Variants in ME2 observed in about 807,000 individuals in gnomAD.
The protein encoded by ME2 is malic enzyme 2.
ME2 carries 60 observed loss-of-function variants against 73.7 expected under a neutral mutation model. That is an observed-to-expected ratio of 0.81 (90% CI 0.66 to 1.01). The LOEUF (loss-of-function observed/expected upper bound fraction) is 1.01. Among genes scored for constraint, ME2 ranks in the 50% least tolerant of loss-of-function variants. ME2 has a pLI of 0.00. For synonymous variants in ME2, 199 were observed against 236.9 expected, an observed-to-expected ratio of 0.84 and a Z score of 1.47; for missense variants, 594 against 705.5, an observed-to-expected ratio of 0.84 and a Z score of 1.79.
chr18:50,921,050 T>G (rs1278550010), intron 9 of ME2, 24 bp from the exon 10 acceptor site: 2 of 1,245,402 alleles, frequency 1.6e-6, no homozygotes, highest in Non-Finnish European at 2.3e-6. Context: ...TAGTATATAT[T>G]AAAATTTATG....
intron 4 of ME2, among the ~76,000 whole-genome samples, chr18:50,915,095 TCC>T (rs1917254463): frequency 6.6e-6 from 1 of 151,448 alleles, no homozygotes; most frequent in Non-Finnish European, 1.5e-5. Context: ...CAACCCCTCC[TCC>T]TCCTCCTCCT....
At chr18:50,938,191 G>T (rs146344967) in intron 13 of ME2, among the ~76,000 whole-genome samples, 1 of 152,100 alleles carries the variant, frequency 6.6e-6, no homozygotes, top group African/African-American at 2.4e-5. Flanking sequence ...AGCCAGGTGC[G>T]ATGGTACATG....
intron 2 of ME2, 84 bp downstream of exon 2, chr18:50,896,012 T>A: frequency 1.1e-6 from 1 of 948,414 alleles, no homozygotes; most frequent in South Asian, 1.5e-5. Context: ...GTGACATATT[T>A]TTGTAGCTTT....
intron 12 of ME2, among the ~76,000 whole-genome samples, chr18:50,927,412 A>T (rs915917884): frequency 3.9e-5 from 6 of 152,042 alleles, no homozygotes; most frequent in African/African-American, 1.4e-4. Context: ...TAAAAATATA[A>T]CCACAGGGCC....
intron 12 of ME2, among the ~76,000 whole-genome samples, chr18:50,930,956 A>G (rs1403500842): frequency 6.6e-6 from 1 of 152,232 alleles, no homozygotes; most frequent in Non-Finnish European, 1.5e-5. Flanking sequence ...CCCTACTAGC[A>G]TAGTTAGCTT....
chr18:50,914,813 C>T (rs749243893), intron 4 of ME2, among the ~76,000 whole-genome samples: 5 of 152,182 alleles, frequency 3.3e-5, no homozygotes, highest in Non-Finnish European at 7.3e-5. Flanking sequence ...TCATGTCTGC[C>T]TGACCTGTGT....
chr18:50,909,126 G>A (rs1431002841), intron 3 of ME2, among the ~76,000 whole-genome samples: 1 of 151,618 alleles, frequency 6.6e-6, no homozygotes, highest in Non-Finnish European at 1.5e-5. Flanking sequence ...GCTAATTTTT[G>A]TAGTTTTTAG....
chr18:50,941,169 G>C (rs1234563105), intron 15 of ME2, among the ~76,000 whole-genome samples: 1 of 148,958 alleles, frequency 6.7e-6, no homozygotes, highest in African/African-American at 2.5e-5. Context: ...GCTGAGGCAG[G>C]AGAATCACTT....
intron 4 of ME2, 81 bp downstream of exon 4, chr18:50,913,031 TTTTATG>T: frequency 7.9e-7 from 1 of 1,273,484 alleles, no homozygotes; most frequent in Non-Finnish European, 1.1e-6. Context: ...TACATTTCTA[TTTTATG>T]TTTGTTAGCC....
chr18:50,939,266 T>C (rs115045835), intron 13 of ME2: 1 of 227,212 alleles, frequency 4.4e-6, no homozygotes, highest in Non-Finnish European at 8.7e-6. Flanking sequence ...AGTGGAGTGT[T>C]AGAGGTGGGC....
At position 50,939,308 on chromosome 18, in the gene ME2, A is replaced by G. The variant is rs897905326; in HGVS notation, c.1418-262A>G. 15 of 336,228 alleles carry G rather than the reference A, an allele frequency of 4.5e-5. No individual in the cohort carries two copies. In the East Asian group the frequency reaches 8.7e-4, roughly 20 times the overall value. 20.8% of individuals were successfully genotyped at this position (336,228 alleles called of 1,614,324 possible). On this transcript the variant is annotated intron_variant, in intron 13 of 15. Coordinates refer to ENST00000321341, the MANE Select transcript of ME2 (RefSeq NM_002396.5). ...CTGGAGTTAAAACAAGCGTTGATGA[A>G]TTGTATGTATTTGTCATTTTCATAA...
In ME2 at chr18:50,918,209, G is replaced by T; in HGVS notation, c.730G>T (p.Asp244Tyr). The T allele has an allele frequency of 6.3e-7, 1 of 1,594,558 alleles. No homozygotes were observed. The highest frequency in any genetic ancestry group is 1.1e-5 in the South Asian group (1 of 88,314). The change falls in exon 7 of 16, where the codon GAC (aspartate) becomes TAC (tyrosine). Residue 244 changes from aspartate to tyrosine, a missense_variant. Coordinates refer to ENST00000321341, the MANE Select transcript of ME2 (RefSeq NM_002396.5). ...LIDEFMKAIT[D>Y]RYGRNTLIQF... is the part of the protein sequence containing the mutation. ...TGATGAGTTTATGAAAGCTATTACTGACAGGTATTTTTTAAAAGTTTGAGT... is the reference window on the plus strand; with the variant it reads ...TGATGAGTTTATGAAAGCTATTACTTACAGGTATTTTTTAAAAGTTTGAGT...
intron 9 of ME2, 62 bp from the exon 10 acceptor site, chr18:50,921,011 TA>T: frequency 1.2e-6 from 1 of 812,586 alleles, no homozygotes. Flanking sequence ...TCTTCATATA[TA>T]AAGTAATTCA....
intron 2 of ME2, among the ~76,000 whole-genome samples, chr18:50,898,953 C>T (rs1401666842): frequency 6.6e-6 from 1 of 152,196 alleles, no homozygotes; most frequent in Non-Finnish European, 1.5e-5. Context: ...CTTTTCTCCC[C>T]ATGCTCATTT....
intron 5 of ME2, chr18:50,917,084 T>C (rs184201868): frequency 1.2e-3 from 341 of 279,342 alleles, no homozygotes; most frequent in Non-Finnish European, 2.1e-3. Flanking sequence ...TCTGAAGATA[T>C]TTAAGTTGGT....
intron 13 of ME2, chr18:50,935,015 A>G: frequency 6.6e-6 from 1 of 152,192 alleles, no homozygotes; most frequent in East Asian, 1.9e-4. Context: ...CGAGTCTGGC[A>G]CTACCTCCCA....
At chr18:50,892,994 G>A (rs181749761) in intron 1 of ME2, among the ~76,000 whole-genome samples, 16 of 151,662 alleles carry the variant, frequency 1.1e-4, no homozygotes, top group South Asian at 2.1e-4. Flanking sequence ...GTATGGTGGC[G>A]CACACCTGTA....
intron 15 of ME2, chr18:50,942,855 G>A: frequency 4.2e-6 from 1 of 238,174 alleles, no homozygotes; most frequent in Non-Finnish European, 7.9e-6. Context: ...GTTTTTAATT[G>A]TCTGCAAGTA....
chr18:50,935,797 T>G (rs958959786), intron 13 of ME2: 2 of 148,328 alleles, frequency 1.3e-5, no homozygotes, highest in Admixed American at 1.4e-4. Flanking sequence ...TATGGCAGAT[T>G]AGACCAGAGA....
Sources: gnomAD v4.1 joint callset for allele counts (sites outside exome capture counted in the v4.1 genomes callset) on GRCh38, gnomAD v4.1.1 for gene constraint, MANE v1.5 for transcripts, NCBI Gene and HGNC (gene_info 2026-07-23, HGNC 2026-07-21) for gene names.